The following MAPK10 variants were observed in gnomAD, a reference collection of about 807,000 sequenced individuals.
MAPK10 encodes mitogen-activated protein kinase 10.
In MAPK10, 25 loss-of-function variants were observed where a neutral mutation model predicts 59.3. That is an observed-to-expected ratio of 0.42 (90% CI 0.31 to 0.59). The LOEUF is 0.59. MAPK10 is among the 20% of genes least tolerant of loss of function. MAPK10 has a pLI of 0.15. For missense variants in MAPK10, 351 were observed against 568.9 expected (o/e 0.62, Z 3.90); for synonymous variants, 190 against 200.5 (o/e 0.95, Z 0.44).
chr4:86,254,868 T>G (rs939222757), intron 2 of MAPK10, among the ~76,000 whole-genome samples: 1 of 152,028 alleles, frequency 6.6e-6, no homozygotes, highest in Non-Finnish European at 1.5e-5. Context: ...CTTATAAAAA[T>G]TGGGGTTTTT....
At chr4:86,092,812 A>G (rs572452210) in intron 9 of MAPK10, among the ~76,000 whole-genome samples, 3 of 152,210 alleles carry the variant, frequency 2.0e-5, no homozygotes, top group African/African-American at 7.2e-5. Context: ...AGTTCTGTAC[A>G]CTAATGCTGC....
chr4:86,284,302 C>A (rs1010197067), intron 2 of MAPK10, among the ~76,000 whole-genome samples: 10 of 152,314 alleles, frequency 6.6e-5, no homozygotes, highest in Admixed American at 2.0e-4. Flanking sequence ...TTCTGGCAAG[C>A]CTGACTCTAG....
rs573291790 is a variant in MAPK10, at chr4:86,013,546, T to C, written c.*3682A>G. ...GATTCAAATCGAAATAGATTTTGTATAATTTAGGTTTTGCAATGAATATTT... is the reference window on the plus strand; with the variant it reads ...GATTCAAATCGAAATAGATTTTGTACAATTTAGGTTTTGCAATGAATATTT... On this transcript the variant is annotated 3_prime_UTR_variant, in exon 14 of 14. Transcript: ENST00000641462. The C allele has an allele frequency of 1.3e-5, 2 of 152,354 alleles. No individual in the cohort carries two copies. Among genetic ancestry groups the C allele is most frequent in the East Asian group, 3.9e-4 (2 of 5,190 alleles). 9.4% of individuals were successfully genotyped at this position (152,354 alleles called of 1,614,324 possible). A position where few individuals can be genotyped will look rare whatever the true frequency, so the allele number is the denominator to read the frequency against.
intron 4 of MAPK10, among the ~76,000 whole-genome samples, chr4:86,150,601 C>T (rs1173482314): frequency 1.3e-5 from 2 of 152,172 alleles, no homozygotes; most frequent in Non-Finnish European, 2.9e-5. Flanking sequence ...GTGGCTCACG[C>T]CTGTAATCTC....
At chr4:86,244,554 A>T (rs183560173) in intron 2 of MAPK10, among the ~76,000 whole-genome samples, 1 of 152,326 alleles carries the variant, frequency 6.6e-6, no homozygotes, top group East Asian at 1.9e-4. Context: ...TCTTAATAAT[A>T]GCATCCTTCA....
chr4:86,414,233 A>T (rs1745570401), intron 1 of MAPK10, among the ~76,000 whole-genome samples: 1 of 152,094 alleles, frequency 6.6e-6, no homozygotes, highest in East Asian at 1.9e-4. Context: ...CCTAATAAAC[A>T]TTCTACCCCT....
intron 11 of MAPK10, among the ~76,000 whole-genome samples, chr4:86,033,349 G>T (rs1485277134): frequency 6.6e-6 from 1 of 152,170 alleles, no homozygotes; most frequent in African/African-American, 2.4e-5. Flanking sequence ...GTGTACATAA[G>T]CTCTCAGAGC....
chr4:86,406,616 T>C (rs534622473), intron 1 of MAPK10, among the ~76,000 whole-genome samples: 2 of 152,302 alleles, frequency 1.3e-5, no homozygotes, highest in East Asian at 3.9e-4. Context: ...CCATAAACAG[T>C]TATAGCTAAC....
intron 10 of MAPK10, 88 bp downstream of exon 10, chr4:86,067,685 A>T (rs2047012940): frequency 1.8e-6 from 2 of 1,107,484 alleles, no homozygotes; most frequent in South Asian, 4.0e-5. Flanking sequence ...AAAGGGAACA[A>T]AGAGAAAGAG....
chr4:86,586,861 C>T lies in MAPK10; in HGVS notation c.-263+7049G>A, dbSNP rs538351653. Among the ~76,000 whole-genome samples the T allele has an allele frequency of 6.6e-5, 10 of 152,268 alleles. No individual in the cohort carries two copies. The East Asian group carries it at 1.9e-3, about 29-fold the overall frequency. ...CATTTGCAAAGAAAAGTGGAAGTTACAGGAGCACCACAATTAAATTTTTCT... is the reference window on the plus strand; with the variant it reads ...CATTTGCAAAGAAAAGTGGAAGTTATAGGAGCACCACAATTAAATTTTTCT... On this transcript the variant is annotated intron_variant, in intron 1 of 4. Coordinates refer to the MAPK10 transcript ENST00000502302.
intron 2 of MAPK10, among the ~76,000 whole-genome samples, chr4:86,307,795 T>G (rs1276638230): frequency 6.6e-6 from 1 of 152,004 alleles, no homozygotes; most frequent in Non-Finnish European, 1.5e-5. Flanking sequence ...GTGAAAAGTG[T>G]GTAGTTAATT....
At chr4:86,504,491 C>A (rs1025181686) in intron 1 of MAPK10, among the ~76,000 whole-genome samples, 6 of 152,078 alleles carry the variant, frequency 3.9e-5, no homozygotes, top group Admixed American at 2.0e-4. Context: ...ATGTATTTTT[C>A]CAAAGGATAG....
intron 1 of MAPK10, among the ~76,000 whole-genome samples, chr4:86,524,746 T>C (rs1757348724): frequency 6.6e-6 from 1 of 152,146 alleles, no homozygotes; most frequent in Admixed American, 6.5e-5. Context: ...GTTGTTGTTG[T>C]TGTTCTTGCT....
At chr4:86,398,853 G>A (rs895121359) in intron 1 of MAPK10, among the ~76,000 whole-genome samples, 3 of 152,102 alleles carry the variant, frequency 2.0e-5, no homozygotes, top group African/African-American at 4.8e-5. Context: ...GTGAGAATAT[G>A]CAGCATTTAG....
intron 2 of MAPK10, among the ~76,000 whole-genome samples, chr4:86,287,135 G>A (rs2095045209): frequency 6.6e-6 from 1 of 152,002 alleles, no homozygotes; most frequent in Admixed American, 6.6e-5. Context: ...TAAGGAAAGA[G>A]GATCATGAAA....
chr4:86,314,671 T>G (rs1228777785), intron 2 of MAPK10, among the ~76,000 whole-genome samples: 1 of 152,182 alleles, frequency 6.6e-6, no homozygotes, highest in Non-Finnish European at 1.5e-5. Flanking sequence ...ATACATGACC[T>G]TACTGCATAT....
At chr4:86,347,713 T>G (rs1047519719) in intron 2 of MAPK10, among the ~76,000 whole-genome samples, 2 of 152,172 alleles carry the variant, frequency 1.3e-5, no homozygotes, top group African/African-American at 4.8e-5. Context: ...CAGTGCATTC[T>G]TGCTGTATCC....
At chr4:86,534,789 C>A (rs1489228719) in intron 1 of MAPK10, among the ~76,000 whole-genome samples, 1 of 151,850 alleles carries the variant, frequency 6.6e-6, no homozygotes, top group Non-Finnish European at 1.5e-5. Context: ...ACCTGTAATC[C>A]CAGCTATTCA....
At chr4:86,089,371 GTC>G in intron 9 of MAPK10, 1 of 822,426 alleles carries the variant, frequency 1.2e-6, no homozygotes, top group South Asian at 1.6e-5. Flanking sequence ...TAGAGCAATA[GTC>G]TGACTTTTCA....
Sources: allele counts gnomAD v4.1 joint callset (sites outside exome capture counted in the v4.1 genomes callset), GRCh38; gene constraint gnomAD v4.1.1; transcripts MANE v1.5; gene names NCBI Gene and HGNC (gene_info 2026-07-23, HGNC 2026-07-21).